The following FOCAD variants were observed in gnomAD, a reference collection of about 807,000 sequenced individuals.
FOCAD encodes focadhesin, also known as KIAA1797.
A neutral mutation model predicts 225.6 loss-of-function variants in FOCAD; 198 were observed. The ratio of observed to expected loss-of-function variants is 0.88; its 90% CI spans 0.78 to 0.99. The LOEUF (loss-of-function observed/expected upper bound fraction) is 0.99, where lower values mean the gene tolerates loss of function less well. Among genes scored for constraint, FOCAD ranks in the 50% least tolerant of loss-of-function variants. FOCAD has a pLI of 0.00. For synonymous variants in FOCAD, 897 were observed against 755.0 expected, an observed-to-expected ratio of 1.19 and a Z score of -3.08; for missense variants, 2,713 against 2,123.6, an observed-to-expected ratio of 1.28 and a Z score of -5.46.
At chr9:20,874,950 C>G in intron 19 of FOCAD, 143 bp downstream of exon 19, 1 of 1,032,178 alleles carries the variant, frequency 9.7e-7, no homozygotes, top group Non-Finnish European at 1.5e-6. Context: ...CCCATCTGTT[C>G]TATTGAAACA....
At chr9:20,747,254 G>A (rs1449505568) in intron 5 of FOCAD, among the ~76,000 whole-genome samples, 3 of 152,030 alleles carry the variant, frequency 2.0e-5, no homozygotes, top group African/African-American at 2.4e-5. Context: ...TGACTATTAA[G>A]CTATCAATCA....
intron 5 of FOCAD, among the ~76,000 whole-genome samples, chr9:20,750,968 C>G (rs140827865): frequency 6.6e-6 from 1 of 152,164 alleles, no homozygotes; most frequent in South Asian, 2.1e-4. Flanking sequence ...ATACAGTATT[C>G]GCTCTGGAAA....
chr9:20,818,313 C>G (rs1028393923), intron 11 of FOCAD, among the ~76,000 whole-genome samples: 1 of 152,002 alleles, frequency 6.6e-6, no homozygotes. Context: ...TATTCTTTCC[C>G]ATTCTGTACA....
intron 35 of FOCAD, among the ~76,000 whole-genome samples, chr9:20,961,949 G>A (rs933536914): frequency 1.3e-5 from 2 of 152,158 alleles, no homozygotes; most frequent in Non-Finnish European, 2.9e-5. Context: ...TGATGTATCA[G>A]AATCATCAAT....
At chr9:20,972,084 T>A (rs983380735) in intron 35 of FOCAD, among the ~76,000 whole-genome samples, 2 of 152,182 alleles carry the variant, frequency 1.3e-5, no homozygotes, top group East Asian at 3.8e-4. Context: ...TTCATGATCT[T>A]GCTTTCAATT....
chr9:20,931,016 C>T (rs746218019), intron 27 of FOCAD, among the ~76,000 whole-genome samples: 4 of 152,116 alleles, frequency 2.6e-5, no homozygotes, highest in Non-Finnish European at 5.9e-5. Context: ...AAAAATGAGC[C>T]GTAGCAGTTT....
intron 11 of FOCAD, among the ~76,000 whole-genome samples, chr9:20,791,291 G>A (rs1399776832): frequency 2.0e-5 from 3 of 150,942 alleles, no homozygotes; most frequent in African/African-American, 7.3e-5. Flanking sequence ...TGATGCTTTA[G>A]ATTGTAAGTA....
At chr9:20,957,739 A>T (rs1365097694) in intron 35 of FOCAD, 4 of 124,664 alleles carry the variant, frequency 3.2e-5, no homozygotes, top group African/African-American at 1.3e-4. Flanking sequence ...GCTGGTCTTG[A>T]ACTCCTGGCC....
intron 15 of FOCAD, among the ~76,000 whole-genome samples, chr9:20,838,393 G>A (rs1271906117): frequency 6.6e-6 from 1 of 151,896 alleles, no homozygotes; most frequent in African/African-American, 2.4e-5. Context: ...TGTTCTCTGG[G>A]GGAGAACATT....
intron 15 of FOCAD, among the ~76,000 whole-genome samples, chr9:20,839,259 CTTT>C (rs71496859): frequency 3.8e-5 from 5 of 132,758 alleles, no homozygotes; most frequent in Non-Finnish European, 4.8e-5. Context: ...TTCTTTCTTT[CTTT>C]TTTTTTTTTT....
intron 5 of FOCAD, among the ~76,000 whole-genome samples, chr9:20,747,257 A>G (rs756898439): frequency 5.3e-5 from 8 of 152,164 alleles, no homozygotes; most frequent in Non-Finnish European, 8.8e-5. Context: ...CTATTAAGCT[A>G]TCAATCAAGG....
chr9:20,781,817 C>G lies in FOCAD; in HGVS notation c.1085C>G (p.Thr362Ser). 6.2e-7 allele frequency: 1 copy of G among 1,614,062 alleles called. No individual in the cohort carries two copies. ...CCAATTCTGCAGATACTATCTTCTA[C>G]TGCCTTGGAAGACTGTATATCTGTG... ...VMPILQILSSTALEDCISVDE... is the reference protein window; with the variant it reads ...VMPILQILSSSALEDCISVDE... The change falls in exon 10 of 44, where the codon ACT (threonine) becomes AGT (serine). Residue 362 changes from threonine (T) to serine (S), a missense_variant. By Grantham distance (58) the Thr-to-Ser change is moderately conservative. Coordinates refer to ENST00000338382, the MANE Select transcript of FOCAD (RefSeq NM_001375567.1).
chr9:20,987,739 A>G (rs945703785), intron 40 of FOCAD, among the ~76,000 whole-genome samples: 1 of 152,214 alleles, frequency 6.6e-6, no homozygotes, highest in African/African-American at 2.4e-5. Flanking sequence ...TTTGGTTCCA[A>G]CCAGAACCAG....
chr9:20,897,519 G>A (rs898709986), intron 21 of FOCAD, among the ~76,000 whole-genome samples: 6 of 150,584 alleles, frequency 4.0e-5, no homozygotes, highest in East Asian at 3.9e-4. Flanking sequence ...TCTTTTGTTA[G>A]CATATCAGTT....
At chr9:20,771,835 C>A (rs1189980130) in intron 8 of FOCAD, among the ~76,000 whole-genome samples, 1 of 152,190 alleles carries the variant, frequency 6.6e-6, no homozygotes, top group Non-Finnish European at 1.5e-5. Context: ...CTGGCTGATT[C>A]TGTTCTTGAT....
At position 20,822,979 on chromosome 9, in the gene FOCAD, T is replaced by C. The variant is rs1300722074; in HGVS notation, c.1794-10T>C. ...CATTAATTTTGCTTTTAAACTTTCA[T>C]TTCTTGTAGGCCATATCAACATGGT... On this transcript the variant is annotated splice_polypyrimidine_tract_variant and intron_variant, in intron 14 of 43. Transcript: ENST00000338382. The C allele has an allele frequency of 6.4e-7, 1 of 1,566,720 alleles. No homozygotes were observed. The highest frequency in any genetic ancestry group is 1.4e-5 in the African/African-American group (1 of 71,836).
intron 10 of FOCAD, among the ~76,000 whole-genome samples, chr9:20,784,854 G>T (rs570862870): frequency 6.6e-6 from 1 of 152,070 alleles, no homozygotes; most frequent in Admixed American, 6.6e-5. Flanking sequence ...GAACATGTGT[G>T]ATATGCCAGG....
At chr9:20,890,024 A>T (rs918388698) in intron 21 of FOCAD, among the ~76,000 whole-genome samples, 2 of 152,114 alleles carry the variant, frequency 1.3e-5, no homozygotes, top group Non-Finnish European at 2.9e-5. Flanking sequence ...GTTTATAATC[A>T]TCCAATTGAT....
intron 6 of FOCAD, among the ~76,000 whole-genome samples, chr9:20,759,174 T>C (rs1227561928): frequency 6.6e-6 from 1 of 152,102 alleles, no homozygotes; most frequent in Non-Finnish European, 1.5e-5. Context: ...ATCAATATCA[T>C]GAAAATGGCC....
Sources: allele counts gnomAD v4.1 joint callset (sites outside exome capture counted in the v4.1 genomes callset), GRCh38; gene constraint gnomAD v4.1.1; transcripts MANE v1.5; gene names NCBI Gene and HGNC (gene_info 2026-07-23, HGNC 2026-07-21).